IGSF11: variants seen among roughly 807,000 people sequenced by gnomAD.
The protein encoded by IGSF11 is immunoglobulin superfamily member 11.
In IGSF11, 22 loss-of-function variants were observed where a neutral mutation model predicts 41.0. That is an observed-to-expected ratio of 0.54 (90% CI 0.38 to 0.77). IGSF11 has a LOEUF of 0.77. IGSF11 is among the 30% of genes least tolerant of loss of function. IGSF11 has a pLI of 0.00. For synonymous variants in IGSF11, 219 were observed against 201.3 expected (o/e 1.09, Z -0.74); for missense variants, 444 against 530.8 (o/e 0.84, Z 1.61).
chr3:118,932,072 T>C (rs1424166065), intron 1 of IGSF11, among the ~76,000 whole-genome samples: 3 of 152,178 alleles, frequency 2.0e-5, no homozygotes, highest in East Asian at 3.9e-4. Context: ...AGTAATTTTA[T>C]GGAATATAAA....
chr3:119,091,581 T>C (rs1419833989), intron 1 of IGSF11, among the ~76,000 whole-genome samples: 2 of 150,164 alleles, frequency 1.3e-5, no homozygotes. Flanking sequence ...GGAGGCCATA[T>C]CCTAAGCAAA....
At chr3:119,059,640 C>T (rs1941991263) in intron 1 of IGSF11, among the ~76,000 whole-genome samples, 1 of 152,096 alleles carries the variant, frequency 6.6e-6, no homozygotes, top group African/African-American at 2.4e-5. Context: ...GCATCCAAAA[C>T]TGCAGACACT....
intron 1 of IGSF11, among the ~76,000 whole-genome samples, chr3:118,978,925 C>A (rs1212041583): frequency 6.6e-6 from 1 of 152,018 alleles, no homozygotes; most frequent in Non-Finnish European, 1.5e-5. Context: ...AGCAATAAAT[C>A]CCAATCAAAA....
chr3:118,974,735 G>A (rs779435758), intron 1 of IGSF11, among the ~76,000 whole-genome samples: 2 of 151,852 alleles, frequency 1.3e-5, no homozygotes, highest in Non-Finnish European at 2.9e-5. Context: ...TTGAAAATCT[G>A]GTGTGAGGTT....
At chr3:119,125,889 G>A (rs77062178) in intron 1 of IGSF11, among the ~76,000 whole-genome samples, 1,925 of 152,298 alleles carry the variant, frequency 0.013, 30 homozygotes, top group African/African-American at 0.044. Flanking sequence ...TGGGGAAACC[G>A]TGCAACCCAC....
intron 1 of IGSF11, among the ~76,000 whole-genome samples, chr3:118,951,140 G>A (rs1339077777): frequency 2.6e-5 from 4 of 152,308 alleles, no homozygotes; most frequent in Middle Eastern, 3.4e-3. Flanking sequence ...TGTACCTAAT[G>A]TGACTGAGGA....
intron 1 of IGSF11, among the ~76,000 whole-genome samples, chr3:118,931,712 A>G (rs2107536610): frequency 6.6e-6 from 1 of 151,646 alleles, no homozygotes; most frequent in Middle Eastern, 3.4e-3. Context: ...ATGGTTGTAC[A>G]ACTCTGCAAG....
chr3:119,028,703 GA>G (rs67132733), intron 1 of IGSF11, among the ~76,000 whole-genome samples: 3 of 150,894 alleles, frequency 2.0e-5, no homozygotes, highest in Admixed American at 1.3e-4. Context: ...TATAAAATTT[GA>G]AAAAAAAACT....
intron 1 of IGSF11, among the ~76,000 whole-genome samples, chr3:119,059,948 A>G (rs767993745): frequency 6.6e-6 from 1 of 152,182 alleles, no homozygotes; most frequent in Non-Finnish European, 1.5e-5. Flanking sequence ...AAGAGATGAA[A>G]AAGAGTTCAT....
Position 119,079,581 on chromosome 3 carries a change from C to T in IGSF11, c.49+25563G>A, listed in dbSNP as rs148249832. On this transcript the variant is annotated intron_variant, in intron 1 of 6. Coordinates refer to the IGSF11 transcript ENST00000354673. ...TCATTCTTTCATAGAGATACGTGTA[C>T]ATGTGTGTTCATTGCAGCACTATTC... Among the ~76,000 whole-genome samples, 818 of 152,246 alleles carry T rather than the reference C, an allele frequency of 5.4e-3. 4 individuals carry two copies. The highest frequency in any genetic ancestry group is 8.2e-3 in the Non-Finnish European group (558 of 68,030).
At chr3:118,982,331 CA>C (rs1459795845) in intron 1 of IGSF11, among the ~76,000 whole-genome samples, 10 of 152,298 alleles carry the variant, frequency 6.6e-5, no homozygotes, top group African/African-American at 2.2e-4. Flanking sequence ...TCTTAGCCTG[CA>C]TTTAAAGCCC....
chr3:119,102,804 C>T (rs1179538360), intron 1 of IGSF11, among the ~76,000 whole-genome samples: 3 of 152,018 alleles, frequency 2.0e-5, no homozygotes, highest in Non-Finnish European at 4.4e-5. Context: ...CGGCTTCTTC[C>T]AATAAGACCT....
At chr3:118,999,140 G>T (rs369152220) in intron 1 of IGSF11, among the ~76,000 whole-genome samples, 2 of 152,058 alleles carry the variant, frequency 1.3e-5, no homozygotes, top group East Asian at 3.9e-4. Flanking sequence ...CTAATGCCCT[G>T]TGGGGAAACA....
chr3:119,046,270 T>C (rs1038513206), intron 1 of IGSF11, among the ~76,000 whole-genome samples: 3 of 149,388 alleles, frequency 2.0e-5, no homozygotes, highest in Admixed American at 6.7e-5. Flanking sequence ...AATGTATAAC[T>C]AGGATAACCA....
chr3:118,980,112 AAACAAC>A (rs1189872985), intron 1 of IGSF11, among the ~76,000 whole-genome samples: 2 of 152,138 alleles, frequency 1.3e-5, no homozygotes, highest in African/African-American at 2.4e-5. Context: ...GACATTCAAA[AAACAAC>A]AACAACAACA....
At chr3:118,989,575 C>T (rs1935593932) in intron 1 of IGSF11, among the ~76,000 whole-genome samples, 1 of 152,062 alleles carries the variant, frequency 6.6e-6, no homozygotes, top group Non-Finnish European at 1.5e-5. Flanking sequence ...AGGATGGTCT[C>T]GAACTCCTGA....
intron 1 of IGSF11, among the ~76,000 whole-genome samples, chr3:119,131,492 G>T (rs2077480763): frequency 6.6e-6 from 1 of 152,108 alleles, no homozygotes; most frequent in Non-Finnish European, 1.5e-5. Context: ...GAGAAGACAA[G>T]ATTAGAGAAA....
In IGSF11 at chr3:118,902,343, C is replaced by G. The variant is rs184399510; in HGVS notation, c.*177G>C. 1.8e-5 allele frequency: 10 copies of G among 568,638 alleles called. No homozygotes were observed. In the Admixed American group the frequency reaches 2.8e-4, roughly 16 times the overall value. 35.2% of individuals were successfully genotyped at this position (568,638 alleles called of 1,614,324 possible). A position where few individuals can be genotyped will look rare whatever the true frequency, so the allele number is the denominator to read the frequency against. On this transcript the variant is annotated 3_prime_UTR_variant, in exon 7 of 7. Coordinates refer to ENST00000393775, the MANE Select transcript of IGSF11 (RefSeq NM_001015887.3). ...GGGGAAGCAAGTCTTCATGATGGAG[C>G]ATTTCAGTCCATTTTACACATCTTA...
At chr3:118,940,759 G>A (rs1943620367) in intron 1 of IGSF11, among the ~76,000 whole-genome samples, 1 of 151,816 alleles carries the variant, frequency 6.6e-6, no homozygotes, top group Non-Finnish European at 1.5e-5. Flanking sequence ...AGATAAAGTA[G>A]CATTGGAATA....
Sources: allele counts gnomAD v4.1 joint callset (sites outside exome capture counted in the v4.1 genomes callset), GRCh38; gene constraint gnomAD v4.1.1; transcripts MANE v1.5; gene names NCBI Gene and HGNC (gene_info 2026-07-23, HGNC 2026-07-21).